Variants in LRRFIP2 observed in about 807,000 individuals in gnomAD.
LRRFIP2 encodes the protein LRR binding FLII interacting protein 2.
A neutral mutation model predicts 125.9 loss-of-function variants in LRRFIP2; 109 were observed. The ratio of observed to expected loss-of-function variants is 0.87; its 90% CI spans 0.74 to 1.01. The LOEUF is 1.01. Among genes scored for constraint, LRRFIP2 ranks in the 50% least tolerant of loss-of-function variants. The pLI is 0.00. For missense variants in LRRFIP2, 850 were observed against 862.3 expected (o/e 0.99, Z 0.18); for synonymous variants, 291 against 293.1 (o/e 0.99, Z 0.07).
At chr3:37,090,218 T>TTTTGTTTGTTTGTTTG (rs111504404) in intron 18 of LRRFIP2, among the ~76,000 whole-genome samples, 1 of 150,914 alleles carries the variant, frequency 6.6e-6, no homozygotes, top group Admixed American at 6.6e-5. Flanking sequence ...ATTTTACTTT[T>TTTTGTTTGTTTGTTTG]TTTGTTTGTT....
Position 37,053,791 on chromosome 3 carries a change from A to C in LRRFIP2, c.*60T>G, listed in dbSNP as rs1172785676. 74 of 1,127,324 alleles carry C rather than the reference A, an allele frequency of 6.6e-5. No individual in the cohort carries two copies. Among genetic ancestry groups the C allele is most frequent in the Non-Finnish European group, 9.5e-6 (7 of 738,082 alleles). 69.8% of individuals were successfully genotyped at this position (1,127,324 alleles called of 1,614,324 possible). On this transcript the variant is annotated 3_prime_UTR_variant, in exon 28 of 28. Coordinates refer to ENST00000336686, the MANE Select transcript of LRRFIP2 (RefSeq NM_006309.4). ...TAAAAGGGGTTTGTGTCAATGGACA[A>C]AAGTCAGTCCCTCTAGGTAGGGCCC...
At chr3:37,067,183 G>A (rs765833970) in intron 21 of LRRFIP2, 33 of 152,228 alleles carry the variant, frequency 2.2e-4, no homozygotes, top group Non-Finnish European at 4.3e-4. Context: ...TGCCTAGATA[G>A]CAGGGACAGT....
chr3:37,149,541 T>TA (rs1385734605), intron 1 of LRRFIP2, among the ~76,000 whole-genome samples: 2 of 151,946 alleles, frequency 1.3e-5, no homozygotes, highest in African/African-American at 4.8e-5. Context: ...AATAAATAAA[T>TA]AACTATAGTT....
At chr3:37,110,640 T>C (rs7620643) in intron 9 of LRRFIP2, among the ~76,000 whole-genome samples, 54,569 of 152,032 alleles carry the variant, frequency 0.36, 10,790 homozygotes, top group Non-Finnish European at 0.45. Flanking sequence ...CTAAGATGAA[T>C]TGATGGTTAG....
rs193158288 is a variant in LRRFIP2 at position 37,152,783 on chromosome 3, G to A, written c.-55-3745C>T. ...ATGGTAGTGGTGCATGCAAATATTAGCCATCTACTAAAAATAAGCAACATG... is the reference window on the plus strand; with the variant it reads ...ATGGTAGTGGTGCATGCAAATATTAACCATCTACTAAAAATAAGCAACATG... On this transcript the variant is annotated intron_variant, in intron 1 of 27. Transcript: ENST00000336686. Among the ~76,000 whole-genome samples the A allele has an allele frequency of 5.6e-3, 846 of 152,212 alleles. 6 individuals carry two copies. The highest frequency in any genetic ancestry group is 0.02 in the African/African-American group (814 of 41,532).
chr3:37,103,970 A>G (rs1007263527), intron 14 of LRRFIP2, among the ~76,000 whole-genome samples: 1 of 152,116 alleles, frequency 6.6e-6, no homozygotes. Flanking sequence ...CTCATTCATC[A>G]TCTATTCCTT....
At position 37,091,489 on chromosome 3, in the gene LRRFIP2, A is replaced by G. The variant is rs150181940; in HGVS notation, c.1085T>C (p.Met362Thr). The change falls in exon 18 of 28, where the codon ATG becomes ACG. Residue 362 changes from methionine (M) to threonine (T), a missense_variant. Coordinates refer to ENST00000336686, the MANE Select transcript of LRRFIP2 (RefSeq NM_006309.4). ...TACCTTTAGTTCTTTAAGCCCCTGC[A>G]TGTATCTCCCTTCTACATCCTGTAT... ...DQIQDVEGRY[M>T]QGLKELKESL... is the part of the protein sequence containing the mutation. 15 of 1,612,380 alleles carry G rather than the reference A, an allele frequency of 9.3e-6. No individual in the cohort carries two copies. The African/African-American group carries it at 1.7e-4, about 19-fold the overall frequency.
rs536605378 is a variant in LRRFIP2 at position 37,058,799 on chromosome 3, C to T, written c.1861G>A (p.Glu621Lys). Residue 621 changes from glutamate (E) to lysine (K), a missense_variant, in exon 25 of 28, where the codon GAA becomes AAA. Glu to Lys is a moderately conservative substitution (Grantham distance 56, BLOSUM62 1). Coordinates refer to ENST00000336686, the MANE Select transcript of LRRFIP2 (RefSeq NM_006309.4). ...LQNGSDLQFI[E>K]MQRDANRQIS... is the part of the protein sequence containing the mutation. ...GTCCCCTGGTACCTACTCTGCATTT[C>T]GATGAACTGCAAGTCTGAGCCATTC... The T allele has an allele frequency of 3.1e-6, 5 of 1,613,954 alleles. No individual in the cohort carries two copies. Among genetic ancestry groups the T allele is most frequent in the South Asian group, 2.2e-5 (2 of 91,074 alleles).
chr3:37,108,602 C>T (rs1453957518), intron 12 of LRRFIP2, 35 bp downstream of exon 12: 1 of 1,557,698 alleles, frequency 6.4e-7, no homozygotes, highest in East Asian at 2.3e-5. Context: ...CCCACATTTC[C>T]CTCCTCTTCA....
intron 13 of LRRFIP2, among the ~76,000 whole-genome samples, chr3:37,106,991 A>G (rs1576687392): frequency 6.9e-6 from 1 of 145,492 alleles, no homozygotes; most frequent in Non-Finnish European, 1.5e-5. Context: ...CGCAGCCTCC[A>G]CCTCCCGGGT....
chr3:37,150,016 C>A (rs2095974441), intron 1 of LRRFIP2, among the ~76,000 whole-genome samples: 1 of 150,664 alleles, frequency 6.6e-6, no homozygotes, highest in Non-Finnish European at 1.5e-5. Context: ...AAAACAAAAA[C>A]AAACAGACAA....
At chr3:37,065,193 TC>T (rs1223601981) in intron 23 of LRRFIP2, 1 of 176,498 alleles carries the variant, frequency 5.7e-6, no homozygotes, top group East Asian at 1.3e-4. Context: ...CTTTGTGGGG[TC>T]AATGGATGGG....
chr3:37,093,584 TC>T (rs1273911426), intron 17 of LRRFIP2, among the ~76,000 whole-genome samples: 1 of 152,176 alleles, frequency 6.6e-6, no homozygotes, highest in Non-Finnish European at 1.5e-5. Context: ...GCTCACCTCA[TC>T]CTCACTGTTG....
At chr3:37,054,880 C>T (rs888213195) in intron 26 of LRRFIP2, among the ~76,000 whole-genome samples, 1 of 129,150 alleles carries the variant, frequency 7.7e-6, no homozygotes, top group Non-Finnish European at 1.9e-5. Flanking sequence ...GAAATATCTA[C>T]AAAAACTGAT....
Position 37,109,717 on chromosome 3 carries a change from A to T in LRRFIP2, c.514-14T>A. 6.2e-7 allele frequency: 1 copy of T among 1,613,186 alleles called. No individual in the cohort carries two copies. Among genetic ancestry groups the T allele is most frequent in the Non-Finnish European group, 8.5e-7 (1 of 1,179,404 alleles). The stretch of plus-strand genomic sequence containing the variant: ...GGAAGAAGACTGCTAAGAGACAAAA[A>T]CAAAATAAATAAGCAAAAACAAAAA... On this transcript the variant is annotated splice_polypyrimidine_tract_variant and intron_variant, in intron 9 of 27. Transcript: ENST00000336686.
intron 18 of LRRFIP2, among the ~76,000 whole-genome samples, chr3:37,091,118 G>C (rs975460730): frequency 6.6e-6 from 1 of 152,078 alleles, no homozygotes; most frequent in Non-Finnish European, 1.5e-5. Flanking sequence ...GCTCATGCCT[G>C]TAATCCCAGC....
At position 37,120,485 on chromosome 3, in the gene LRRFIP2, A is replaced by G. The variant is rs541824799; in HGVS notation, c.330+1007T>C. Among the ~76,000 whole-genome samples, 3 of 152,346 alleles carry G rather than the reference A, an allele frequency of 2.0e-5. No individual in the cohort carries two copies. In the South Asian group the frequency reaches 6.2e-4, roughly 32 times the overall value. ...GCTTAGTAACTTACTCTAAAAAGAC[A>G]GTACATTACATTCACCAAGAAAAAT... On this transcript the variant is annotated intron_variant, in intron 6 of 27. Coordinates refer to ENST00000336686, the MANE Select transcript of LRRFIP2 (RefSeq NM_006309.4).
rs60688555 is a variant in LRRFIP2, at chr3:37,161,179, T to TAAAAAAA, written c.-55-12148_-55-12142dup. ...GTCAACATGGTGAAACCCCATCTAC[T>TAAAAAAA]AAAAAAAAAAAAAAAAAAAAGCAAA... On this transcript the variant is annotated intron_variant, in intron 1 of 27. Transcript: ENST00000336686. Among the ~76,000 whole-genome samples, 42 of 88,124 alleles carry TAAAAAAA rather than the reference T, an allele frequency of 4.8e-4. 1 individual carries two copies. The highest frequency in any genetic ancestry group is 7.8e-4 in the Non-Finnish European group (36 of 46,426). 57.8% of individuals were successfully genotyped at this position (88,124 alleles called of 152,430 possible).
chr3:37,116,480 G>C (rs2094793339), intron 6 of LRRFIP2, among the ~76,000 whole-genome samples: 1 of 152,106 alleles, frequency 6.6e-6, no homozygotes, highest in Non-Finnish European at 1.5e-5. Flanking sequence ...GAAAATATTA[G>C]AGGGTGTTGT....
Sources: gnomAD v4.1 joint callset for allele counts (sites outside exome capture counted in the v4.1 genomes callset) on GRCh38, gnomAD v4.1.1 for gene constraint, MANE v1.5 for transcripts, NCBI Gene and HGNC (gene_info 2026-07-23, HGNC 2026-07-21) for gene names.